Variants in EFR3A observed in about 807,000 individuals in gnomAD.
The protein encoded by EFR3A is EFR3 homolog A.
EFR3A carries 76 observed loss-of-function variants against 104.4 expected under a neutral mutation model. The observed-to-expected ratio is 0.73, with a 90% CI of 0.60 to 0.88. The LOEUF is 0.88. Among genes scored for constraint, EFR3A ranks in the 40% least tolerant of loss-of-function variants. The pLI is 0.00. For synonymous variants in EFR3A, 330 were observed against 330.0 expected (o/e 1.00, Z 0.00); for missense variants, 985 against 1,012.5 (o/e 0.97, Z 0.37).
chr8:131,976,863 A>G (rs561580318), intron 11 of EFR3A, among the ~76,000 whole-genome samples, 178 bp from the exon 12 acceptor site: 2 of 152,282 alleles, frequency 1.3e-5, no homozygotes, highest in East Asian at 3.9e-4. Context: ...TTTTAAATAT[A>G]ATAGTTTTAA....
intron 1 of EFR3A, among the ~76,000 whole-genome samples, chr8:131,924,607 T>C (rs1369868371): frequency 6.6e-6 from 1 of 152,150 alleles, no homozygotes; most frequent in African/African-American, 2.4e-5. Flanking sequence ...CTCCAGAACA[T>C]CCTGTTTCCC....
chr8:131,968,130 T>TCAAA (rs1819856112), intron 8 of EFR3A, among the ~76,000 whole-genome samples, 165 bp from the exon 9 acceptor site: 1 of 152,216 alleles, frequency 6.6e-6, no homozygotes, highest in African/African-American at 2.4e-5. Context: ...CATCTCTGTT[T>TCAAA]ATTCTTTAAA....
At chr8:131,947,155 G>A (rs977967877) in intron 4 of EFR3A, among the ~76,000 whole-genome samples, 6 of 151,908 alleles carry the variant, frequency 3.9e-5, no homozygotes, top group African/African-American at 1.4e-4. Context: ...TATGAGTGTT[G>A]TTTCTCCACA....
intron 8 of EFR3A, 76 bp from the exon 9 acceptor site, chr8:131,968,219 G>GT (rs1819861114): frequency 3.9e-5 from 56 of 1,434,714 alleles, no homozygotes; most frequent in Admixed American, 1.6e-4. Context: ...CGTGTCAGGT[G>GT]TTTTTTTTAT....
intron 18 of EFR3A, among the ~76,000 whole-genome samples, chr8:131,991,661 G>A (rs576144134): frequency 6.6e-5 from 10 of 152,140 alleles, no homozygotes; most frequent in Admixed American, 6.6e-4. Flanking sequence ...ACTTCTCACA[G>A]TGAAGGCATG....
intron 8 of EFR3A, among the ~76,000 whole-genome samples, chr8:131,967,849 T>C (rs1262631417): frequency 6.6e-6 from 1 of 152,104 alleles, no homozygotes; most frequent in East Asian, 1.9e-4. Context: ...AGTATTTATC[T>C]AGTTTGGCTA....
chr8:131,948,125 A>T (rs575686744), intron 4 of EFR3A, among the ~76,000 whole-genome samples: 18 of 151,552 alleles, frequency 1.2e-4, no homozygotes, highest in Admixed American at 7.2e-4. Context: ...GAGTTTTAAT[A>T]AAAAAAATCA....
Position 131,969,409 on chromosome 8 carries a change from C to T in EFR3A, c.991+979C>T, listed in dbSNP as rs757830311. Among the ~76,000 whole-genome samples, 51 of 151,988 alleles carry T rather than the reference C, an allele frequency of 3.4e-4. 1 individual carries two copies. The highest frequency in any genetic ancestry group is 2.5e-4 in the Non-Finnish European group (17 of 67,956). Reference sequence around the variant, plus strand: ...AAAATGGCGTAGTTTTTGCATATAACCTTTGCACACCCTCCAATATACTTC... The same window carrying T: ...AAAATGGCGTAGTTTTTGCATATAATCTTTGCACACCCTCCAATATACTTC... On this transcript the variant is annotated intron_variant, in intron 9 of 22. Coordinates refer to ENST00000254624, the MANE Select transcript of EFR3A (RefSeq NM_015137.6).
chr8:131,958,289 T>A (rs1243647090), intron 7 of EFR3A, among the ~76,000 whole-genome samples: 3 of 152,136 alleles, frequency 2.0e-5, no homozygotes, highest in Non-Finnish European at 2.9e-5. Context: ...CTTCTGAGAG[T>A]GAAGATGGAA....
At chr8:131,999,545 A>G (rs531721216) in intron 19 of EFR3A, among the ~76,000 whole-genome samples, 2 of 151,340 alleles carry the variant, frequency 1.3e-5, no homozygotes, top group African/African-American at 4.8e-5. Context: ...CCTTTGCACC[A>G]CTTCTCTATA....
chr8:131,906,633 T>C (rs568735843), intron 1 of EFR3A, among the ~76,000 whole-genome samples: 44 of 152,282 alleles, frequency 2.9e-4, no homozygotes, highest in Non-Finnish European at 4.6e-4. Flanking sequence ...ATATATCTCA[T>C]GAATATTAAC....
intron 18 of EFR3A, among the ~76,000 whole-genome samples, chr8:131,988,873 T>C (rs1056256405): frequency 3.3e-5 from 5 of 152,110 alleles, no homozygotes; most frequent in Non-Finnish European, 5.9e-5. Context: ...ATTATTATTT[T>C]CCTTTATCTT....
At chr8:131,935,260 T>C (rs542733734) in intron 1 of EFR3A, among the ~76,000 whole-genome samples, 1 of 152,334 alleles carries the variant, frequency 6.6e-6, no homozygotes, top group South Asian at 2.1e-4. Context: ...GATGTTAAAC[T>C]CACTTTATAT....
chr8:131,938,459 A>G, intron 1 of EFR3A: 1 of 383,062 alleles, frequency 2.6e-6, no homozygotes, highest in Non-Finnish European at 4.6e-6. Flanking sequence ...TAATTTTATA[A>G]AAACCTGAAA....
chr8:131,919,228 G>T (rs1267126582), intron 1 of EFR3A, among the ~76,000 whole-genome samples: 2 of 152,044 alleles, frequency 1.3e-5, no homozygotes, highest in Non-Finnish European at 2.9e-5. Flanking sequence ...GCATATTAAG[G>T]TCACAGTAAG....
At chr8:131,981,715 C>T (rs574245587) in intron 14 of EFR3A, among the ~76,000 whole-genome samples, 14 of 151,984 alleles carry the variant, frequency 9.2e-5, no homozygotes, top group Non-Finnish European at 1.9e-4. Context: ...TCTATATTAA[C>T]TTTGTTCAGG....
intron 1 of EFR3A, among the ~76,000 whole-genome samples, chr8:131,925,160 G>T (rs1297076813): frequency 2.0e-5 from 3 of 152,050 alleles, no homozygotes; most frequent in Non-Finnish European, 2.9e-5. Context: ...GTCCTTTGAA[G>T]ATATCACAGA....
In EFR3A at chr8:131,977,185, A is replaced by G. The variant is rs774169503; in HGVS notation, c.1326+93A>G. 1.9e-4 allele frequency: 170 copies of G among 876,848 alleles called. 1 individual carries two copies. Among genetic ancestry groups the G allele is most frequent in the South Asian group, 1.0e-3 (53 of 51,102 alleles). 54.3% of individuals were successfully genotyped at this position (876,848 alleles called of 1,614,324 possible). A position where few individuals can be genotyped will look rare whatever the true frequency, so the allele number is the denominator to read the frequency against. On this transcript the variant is annotated intron_variant, in intron 12 of 22. Transcript: ENST00000254624. ...TTCATGTTACAACCGTTCTTTCTTA[A>G]GTAAGTTACTGTTTATGGTTAGTAT...
At chr8:131,935,962 A>G (rs1021880092) in intron 1 of EFR3A, among the ~76,000 whole-genome samples, 2 of 151,958 alleles carry the variant, frequency 1.3e-5, no homozygotes, top group Non-Finnish European at 2.9e-5. Context: ...TCAACCAACC[A>G]CTTACAATAT....
Sources: gnomAD v4.1 joint callset for allele counts (sites outside exome capture counted in the v4.1 genomes callset) on GRCh38, gnomAD v4.1.1 for gene constraint, MANE v1.5 for transcripts, NCBI Gene and HGNC (gene_info 2026-07-23, HGNC 2026-07-21) for gene names.